The following ZNF91 variants were observed in gnomAD, a reference collection of about 807,000 sequenced individuals.
ZNF91 encodes zinc finger protein 91 (HPF7, HTF10).
A neutral mutation model predicts 12.6 loss-of-function variants in ZNF91; 7 were observed. The ratio of observed to expected loss-of-function variants is 0.55; its 90% CI spans 0.31 to 1.04. The LOEUF (loss-of-function observed/expected upper bound fraction) is 1.04, where lower values mean the gene tolerates loss of function less well. Among genes scored for constraint, ZNF91 ranks in the 50% least tolerant of loss-of-function variants. ZNF91 has a pLI of 0.05. For synonymous variants in ZNF91, 453 were observed against 462.6 expected, an observed-to-expected ratio of 0.98 and a Z score of 0.27; for missense variants, 1,217 against 1,385.4, an observed-to-expected ratio of 0.88 and a Z score of 1.93.
chr19:23,389,759 A>G (rs1361346071), intron 1 of ZNF91, among the ~76,000 whole-genome samples: 1 of 152,188 alleles, frequency 6.6e-6, no homozygotes, highest in Admixed American at 6.5e-5. Flanking sequence ...CTAAACACCA[A>G]GCAATTCTCC....
At chr19:23,365,974 C>T (rs1007615416) in intron 3 of ZNF91, among the ~76,000 whole-genome samples, 1 of 152,258 alleles carries the variant, frequency 6.6e-6, no homozygotes, top group Non-Finnish European at 1.5e-5. Flanking sequence ...CTTCTTTCTA[C>T]ACAGACACAG....
chr19:23,369,882 T>C (rs1271766318), intron 3 of ZNF91, among the ~76,000 whole-genome samples: 9 of 149,626 alleles, frequency 6.0e-5, no homozygotes, highest in Non-Finnish European at 1.3e-4. Context: ...GGCCGCAGGG[T>C]CCTCTGCCTA....
chr19:23,306,460 C>T (rs190775329), intron 3 of ZNF91, among the ~76,000 whole-genome samples: 6 of 151,738 alleles, frequency 4.0e-5, no homozygotes, highest in African/African-American at 9.7e-5. Flanking sequence ...GGAATTGTAA[C>T]GTATCACCGG....
chr19:23,337,043 T>A (rs561520864), downstream of ZNF91, among the ~76,000 whole-genome samples: 13 of 152,336 alleles, frequency 8.5e-5, no homozygotes, highest in Non-Finnish European at 1.2e-4. Flanking sequence ...ATGCATAGAT[T>A]GCATAGTGGT....
intron 1 of ZNF91, among the ~76,000 whole-genome samples, chr19:23,381,714 C>T (rs571203053): frequency 4.4e-4 from 67 of 152,204 alleles, no homozygotes; most frequent in Non-Finnish European, 8.2e-4. Context: ...CCCGACTTGG[C>T]CTCCCAAAGT....
At chr19:23,369,141 C>A (rs574383039) in intron 3 of ZNF91, among the ~76,000 whole-genome samples, 3 of 152,176 alleles carry the variant, frequency 2.0e-5, no homozygotes, top group South Asian at 4.2e-4. Context: ...GAAACCCTGT[C>A]TCTACTAAAA....
At chr19:23,371,345 CAAAAACA>C (rs1340860709) in intron 3 of ZNF91, among the ~76,000 whole-genome samples, 1 of 148,860 alleles carries the variant, frequency 6.7e-6, no homozygotes, top group African/African-American at 2.5e-5. Context: ...AACTCCATCT[CAAAAACA>C]AAAAAGAAAA....
chr19:23,344,093 ATTAT>A (rs981332130), intron 3 of ZNF91, among the ~76,000 whole-genome samples: 7 of 152,098 alleles, frequency 4.6e-5, no homozygotes, highest in South Asian at 2.1e-4. Context: ...ATAAATTATT[ATTAT>A]TTATTTATTT....
At position 23,360,242 on chromosome 19, in the gene ZNF91, C is replaced by A; in HGVS notation, c.2737G>T (p.Glu913Ter). 1 of 1,613,068 alleles carries A rather than the reference C, an allele frequency of 6.2e-7. No individual in the cohort carries two copies. Among genetic ancestry groups the A allele is most frequent in the South Asian group, 1.1e-5 (1 of 91,028 alleles). ...TGGCTAAATGCTTTGCCACATTCTT[C>A]ACATTTGTAGGTTTTCTCTCTGGTA... is the stretch of plus-strand genomic sequence containing the variant. ...IHTREKTYKC[E>*]ECGKAFSQPS... Residue 913 changes from glutamate (E) to a stop codon, truncating the protein, a stop_gained, in exon 4 of 4, where the codon GAA becomes TAA. Transcript: ENST00000300619. LOFTEE classifies it low-confidence loss of function (END_TRUNC).
chr19:23,353,886 C>T (rs1478940081), downstream of ZNF91, among the ~76,000 whole-genome samples: 1 of 152,024 alleles, frequency 6.6e-6, no homozygotes, highest in East Asian at 1.9e-4. Flanking sequence ...ACCCTCCTAG[C>T]TTAAATCAGG....
chr19:23,340,155 A>C (rs192306386), intron 3 of ZNF91: 2 of 152,256 alleles, frequency 1.3e-5, no homozygotes, highest in Admixed American at 1.3e-4. Context: ...ATAACAAATC[A>C]AATCCCAAGT....
At chr19:23,346,128 A>C (rs1390411859) in intron 3 of ZNF91, among the ~76,000 whole-genome samples, 1 of 152,072 alleles carries the variant, frequency 6.6e-6, no homozygotes, top group Non-Finnish European at 1.5e-5. Context: ...CCTCACTGAT[A>C]TCTCTCAAAT....
upstream of ZNF91, among the ~76,000 whole-genome samples, chr19:23,314,398 A>G (rs1322118800): frequency 3.9e-5 from 6 of 151,978 alleles, no homozygotes; most frequent in African/African-American, 7.3e-5. Flanking sequence ...GATGCAGCCC[A>G]CAGGAGATGT....
intron 1 of ZNF91, among the ~76,000 whole-genome samples, chr19:23,321,519 C>G (rs1319784074): frequency 6.6e-6 from 1 of 152,136 alleles, no homozygotes; most frequent in African/African-American, 2.4e-5. Flanking sequence ...TATCCCTGGG[C>G]TCAGCACCTA....
chr19:23,384,137 G>A (rs960399633), intron 1 of ZNF91, among the ~76,000 whole-genome samples: 1 of 152,022 alleles, frequency 6.6e-6, no homozygotes. Context: ...AATTAAAGGC[G>A]TTTAAACAGG....
Position 23,331,316 on chromosome 19 carries a change from A to G in ZNF91, n.117-22219T>C, listed in dbSNP as rs545153496. On this transcript the variant is annotated intron_variant and non_coding_transcript_variant, in intron 1 of 1. Transcript: ENST00000596528. The stretch of plus-strand genomic sequence containing the variant: ...GTTAATAAAGAAATACAAGTTTGAA[A>G]TTTGAGTTTACTTCAGAGAAGTAAT... Among the ~76,000 whole-genome samples, 24 of 152,270 alleles carry G rather than the reference A, an allele frequency of 1.6e-4. 2 individuals carry two copies. The South Asian group carries it at 5.0e-3, about 32-fold the overall frequency.
downstream of ZNF91, among the ~76,000 whole-genome samples, chr19:23,355,621 A>C (rs1968466630): frequency 6.6e-6 from 1 of 152,226 alleles, no homozygotes; most frequent in African/African-American, 2.4e-5. Flanking sequence ...GTTAAACTAA[A>C]GAGTTTTTGC....
In ZNF91 at chr19:23,359,599, ATTATC is replaced by A; in HGVS notation, c.3375_3379del (p.Lys1125AsnfsTer11). ...TTTGTAGGGTTTCTCTCCAGTGTGA[ATTATC>A]TTATGTTTAGTAAGAGCTGAGGACT... On this transcript the variant is annotated frameshift_variant, in exon 4 of 4. Coordinates refer to ENST00000300619, the MANE Select transcript of ZNF91 (RefSeq NM_003430.4). LOFTEE classifies it low-confidence loss of function (END_TRUNC). 2.5e-6 allele frequency: 4 copies of A among 1,614,022 alleles called. No individual in the cohort carries two copies. Among genetic ancestry groups the A allele is most frequent in the South Asian group, 1.1e-5 (1 of 91,068 alleles).
At chr19:23,381,236 A>G (rs1969703443) in intron 1 of ZNF91, among the ~76,000 whole-genome samples, 1 of 152,204 alleles carries the variant, frequency 6.6e-6, no homozygotes, top group Non-Finnish European at 1.5e-5. Flanking sequence ...CTACATTTCA[A>G]AACTATGAAT....
Sources: gnomAD v4.1 joint callset for allele counts (sites outside exome capture counted in the v4.1 genomes callset) on GRCh38, gnomAD v4.1.1 for gene constraint, MANE v1.5 for transcripts, NCBI Gene and HGNC (gene_info 2026-07-23, HGNC 2026-07-21) for gene names.